The following NCAM2 variants were observed in gnomAD, a reference collection of about 807,000 sequenced individuals.
NCAM2 encodes N-CAM-2.
NCAM2 carries 30 observed loss-of-function variants against 98.1 expected under a neutral mutation model. That is an observed-to-expected ratio of 0.31 (90% CI 0.23 to 0.41). The LOEUF (loss-of-function observed/expected upper bound fraction) is 0.41. NCAM2 is among the 10% of genes least tolerant of loss of function. The pLI is 1.00. For missense variants in NCAM2, 867 were observed against 1,005.8 expected, an observed-to-expected ratio of 0.86 and a Z score of 1.87; for synonymous variants, 368 against 342.4, an observed-to-expected ratio of 1.07 and a Z score of -0.83.
At chr21:21,037,475 G>A (rs2064822417) in intron 1 of NCAM2, among the ~76,000 whole-genome samples, 1 of 152,142 alleles carries the variant, frequency 6.6e-6, no homozygotes. Context: ...GTCTTCAAAT[G>A]AGAGAGATTA....
chr21:21,347,947 T>C (rs1389827729), intron 8 of NCAM2, among the ~76,000 whole-genome samples: 3 of 152,022 alleles, frequency 2.0e-5, no homozygotes, highest in Non-Finnish European at 2.9e-5. Context: ...AAACTGGGAA[T>C]AGAAGGAATA....
At chr21:21,054,162 C>T (rs915190364) in intron 1 of NCAM2, among the ~76,000 whole-genome samples, 3 of 151,906 alleles carry the variant, frequency 2.0e-5, no homozygotes, top group Admixed American at 1.3e-4. Flanking sequence ...AGTCAACAGT[C>T]ATTGCCGAAG....
chr21:21,185,395 T>G (rs2068607085), intron 1 of NCAM2, among the ~76,000 whole-genome samples: 1 of 152,140 alleles, frequency 6.6e-6, no homozygotes, highest in South Asian at 2.1e-4. Flanking sequence ...AATTTCATCT[T>G]TAGCTAACTT....
At chr21:21,144,308 C>T (rs1345535739) in intron 1 of NCAM2, among the ~76,000 whole-genome samples, 2 of 151,216 alleles carry the variant, frequency 1.3e-5, no homozygotes, top group Non-Finnish European at 2.9e-5. Context: ...AAGATTGTGC[C>T]ACTGCACTCC....
intron 5 of NCAM2, among the ~76,000 whole-genome samples, chr21:21,306,410 C>T (rs567197413): frequency 3.3e-5 from 5 of 152,188 alleles, no homozygotes; most frequent in South Asian, 2.1e-4. Flanking sequence ...GATGAATTGA[C>T]GTCTTTCTCA....
chr21:21,501,586 A>G (rs986981664), intron 15 of NCAM2, among the ~76,000 whole-genome samples: 39 of 147,636 alleles, frequency 2.6e-4, no homozygotes, highest in African/African-American at 9.4e-4. Flanking sequence ...CAGTCAATCA[A>G]TGTTTATGAA....
At chr21:21,363,568 T>C (rs1326369006) in intron 8 of NCAM2, among the ~76,000 whole-genome samples, 1 of 152,122 alleles carries the variant, frequency 6.6e-6, no homozygotes, top group Non-Finnish European at 1.5e-5. Context: ...AGCTCCCCTG[T>C]CACCAGACTT....
intron 5 of NCAM2, among the ~76,000 whole-genome samples, chr21:21,322,638 C>T (rs2147787265): frequency 6.6e-6 from 1 of 152,172 alleles, no homozygotes; most frequent in African/African-American, 2.4e-5. Flanking sequence ...TTTTCCTTGG[C>T]TCAAATAAAT....
Position 21,157,781 on chromosome 21 carries a change from A to G in NCAM2, c.56-122797A>G, listed in dbSNP as rs934979575. On this transcript the variant is annotated intron_variant, in intron 1 of 17. Coordinates refer to ENST00000400546, the MANE Select transcript of NCAM2 (RefSeq NM_004540.5). ...TGACAGGTGAAGTTTAAAAGGATTC[A>G]TTCTAGGCAAAGTGGTTAGTCTTTA... is the stretch of plus-strand genomic sequence containing the variant. 4.6e-5 allele frequency among the ~76,000 whole-genome samples: 7 copies of G among 152,272 alleles called. No homozygotes were observed. The East Asian group carries it at 1.4e-3, about 29-fold the overall frequency.
chr21:21,238,007 G>A (rs553201059), intron 1 of NCAM2, among the ~76,000 whole-genome samples: 1 of 145,936 alleles, frequency 6.9e-6, no homozygotes, highest in Admixed American at 7.0e-5. Flanking sequence ...CCAGGCTGGA[G>A]TGCAGTGGTG....
chr21:21,371,932 G>A lies in NCAM2; in HGVS notation c.1045-1931G>A, dbSNP rs144970567. ...TAATTGTTGAATGGTTAAGTGAGAT[G>A]ATCCATCAATCTCCCAAAAGGCCAA... On this transcript the variant is annotated intron_variant, in intron 8 of 17. Coordinates refer to ENST00000400546, the MANE Select transcript of NCAM2 (RefSeq NM_004540.5). Among the ~76,000 whole-genome samples, 485 of 151,460 alleles carry A rather than the reference G, an allele frequency of 3.2e-3. 3 individuals are homozygous for A. Among genetic ancestry groups the A allele is most frequent in the African/African-American group, 0.011 (455 of 41,362 alleles).
intron 1 of NCAM2, among the ~76,000 whole-genome samples, chr21:21,042,595 T>G (rs2064928455): frequency 6.6e-6 from 1 of 152,182 alleles, no homozygotes; most frequent in Admixed American, 6.5e-5. Flanking sequence ...TATCTTAAAT[T>G]CTTTGAGCTT....
chr21:21,217,630 A>C (rs2147115068), intron 1 of NCAM2, among the ~76,000 whole-genome samples: 1 of 152,294 alleles, frequency 6.6e-6, no homozygotes, highest in South Asian at 2.1e-4. Context: ...TGAAGGTAGA[A>C]TTAATTAACT....
intron 1 of NCAM2, among the ~76,000 whole-genome samples, chr21:21,030,650 C>T (rs953657762): frequency 3.3e-5 from 5 of 152,238 alleles, no homozygotes; most frequent in African/African-American, 7.2e-5. Context: ...CTGCCTATCA[C>T]GATTATTATA....
rs2072894121 is a variant in NCAM2 at position 21,280,584 on chromosome 21, T to A, written c.62T>A (p.Leu21His). 6.3e-7 allele frequency: 1 copy of A among 1,592,390 alleles called. No individual in the cohort carries two copies. The highest frequency in any genetic ancestry group is 1.4e-5 in the African/African-American group (1 of 74,030). ...TTTCCCAATTTTTTTTCAGCTCTTC[T>A]TCAAGTGACAATTTCACTTAGCAAA... ...GLLVSSGQALLQVTISLSKVE... is the reference protein window; with the variant it reads ...GLLVSSGQALHQVTISLSKVE... The change falls in exon 2 of 18, where the codon CTT (leucine) becomes CAT (histidine). Residue 21 changes from leucine to histidine, a missense_variant. This residue lies in a region of NCAM2 where 447 missense variants were observed against 495.7 expected (regional missense o/e 0.90). Coordinates refer to ENST00000400546, the MANE Select transcript of NCAM2 (RefSeq NM_004540.5).
At chr21:21,192,272 G>T (rs2068848677) in intron 1 of NCAM2, among the ~76,000 whole-genome samples, 1 of 151,746 alleles carries the variant, frequency 6.6e-6, no homozygotes, top group South Asian at 2.1e-4. Context: ...CCGATGAGAG[G>T]AGAAGAAGCA....
chr21:21,104,193 C>T (rs1028625260), intron 1 of NCAM2, among the ~76,000 whole-genome samples: 6 of 152,076 alleles, frequency 3.9e-5, no homozygotes, highest in Admixed American at 6.6e-5. Context: ...GACATGTTAT[C>T]TTTTCAGTAA....
At chr21:21,440,652 G>T (rs1376741202) in intron 12 of NCAM2, among the ~76,000 whole-genome samples, 1 of 151,114 alleles carries the variant, frequency 6.6e-6, no homozygotes, top group East Asian at 1.9e-4. Context: ...CGGCACTCCA[G>T]CCTGGGAAAC....
intron 8 of NCAM2, among the ~76,000 whole-genome samples, chr21:21,349,569 C>T (rs2147932503): frequency 6.6e-6 from 1 of 152,198 alleles, no homozygotes; most frequent in East Asian, 1.9e-4. Flanking sequence ...TTCAACAATC[C>T]CACTCCTGGG....
Sources: gnomAD v4.1 joint callset for allele counts (sites outside exome capture counted in the v4.1 genomes callset) on GRCh38, gnomAD v4.1.1 for gene constraint, gnomAD v4.1.1 regional missense constraint, MANE v1.5 for transcripts, NCBI Gene and HGNC (gene_info 2026-07-23, HGNC 2026-07-21) for gene names.